The following SAMD12 variants were observed in gnomAD, a reference collection of about 807,000 sequenced individuals.
SAMD12 encodes the protein sterile alpha motif domain-containing protein 12.
In SAMD12, 9 loss-of-function variants were observed where a neutral mutation model predicts 15.0. That is an observed-to-expected ratio of 0.60 (90% CI 0.36 to 1.05). SAMD12 has a LOEUF of 1.05. Ranked by LOEUF, SAMD12 falls within the 50% of genes least tolerant of loss-of-function variation. The probability of loss-of-function intolerance (pLI) is 0.01; values close to 1 mark genes in which losing one functional copy is unlikely to be tolerated. For synonymous variants in SAMD12, 86 were observed against 90.1 expected (o/e 0.96, Z 0.25); for missense variants, 230 against 234.2 (o/e 0.98, Z 0.12).
At chr8:118,484,218 G>A (rs1824213738) in intron 2 of SAMD12, among the ~76,000 whole-genome samples, 2 of 152,040 alleles carry the variant, frequency 1.3e-5, no homozygotes, top group African/African-American at 4.8e-5. Context: ...TGCTGGCCAG[G>A]TGGAATTCGT....
chr8:118,279,930 C>G (rs1458711377), intron 4 of SAMD12, among the ~76,000 whole-genome samples: 2 of 152,180 alleles, frequency 1.3e-5, no homozygotes, highest in African/African-American at 2.4e-5. Flanking sequence ...CACAAAAACA[C>G]AGGACGCACA....
intron 2 of SAMD12, among the ~76,000 whole-genome samples, chr8:118,473,852 C>T (rs1823880404): frequency 6.6e-6 from 1 of 152,190 alleles, no homozygotes; most frequent in South Asian, 2.1e-4. Flanking sequence ...CCTCCATCCT[C>T]TTATAGTACT....
At chr8:118,242,984 C>A (rs1812607928) in intron 4 of SAMD12, among the ~76,000 whole-genome samples, 1 of 152,146 alleles carries the variant, frequency 6.6e-6, no homozygotes, top group Non-Finnish European at 1.5e-5. Flanking sequence ...AGGCCCTCAC[C>A]TGCTCTATGA....
chr8:118,311,044 C>A (rs991763017), intron 4 of SAMD12, among the ~76,000 whole-genome samples: 3 of 152,208 alleles, frequency 2.0e-5, no homozygotes, highest in African/African-American at 7.2e-5. Context: ...TTAATTCTCA[C>A]AACAGCTCTA....
rs1354018438 is a variant in SAMD12 at position 118,575,530 on chromosome 8, C to T, written c.192+5185G>A. On this transcript the variant is annotated intron_variant, in intron 2 of 3. Coordinates refer to ENST00000314727, the MANE Select transcript of SAMD12 (RefSeq NM_207506.3). ...TAGAGCCATTAGACATAGAGAGTTA[C>T]ATCTTCCTCCAGATTATTAGCCAGA... is the stretch of plus-strand genomic sequence containing the variant. 1.3e-5 allele frequency among the ~76,000 whole-genome samples: 2 copies of T among 152,174 alleles called. 1 individual carries two copies. Among genetic ancestry groups the T allele is most frequent in the Non-Finnish European group, 2.9e-5 (2 of 68,024 alleles).
At chr8:118,214,293 G>C (rs958701047) in intron 4 of SAMD12, among the ~76,000 whole-genome samples, 5 of 152,192 alleles carry the variant, frequency 3.3e-5, no homozygotes, top group African/African-American at 9.6e-5. Context: ...TAACTACAAT[G>C]TCACTTTAGA....
At chr8:118,445,617 ATTAAGTT>A (rs941758686) in intron 2 of SAMD12, among the ~76,000 whole-genome samples, 10 of 152,344 alleles carry the variant, frequency 6.6e-5, no homozygotes, top group South Asian at 4.1e-4. Flanking sequence ...ACTCTTAAAC[ATTAAGTT>A]TTAAGTTCTC....
At chr8:118,598,553 C>G (rs1827780478) in intron 1 of SAMD12, among the ~76,000 whole-genome samples, 1 of 152,214 alleles carries the variant, frequency 6.6e-6, no homozygotes, top group Non-Finnish European at 1.5e-5. Flanking sequence ...CTCTAGCAGA[C>G]TAACACAATA....
intron 4 of SAMD12, among the ~76,000 whole-genome samples, chr8:118,265,101 C>T (rs1346084085): frequency 6.6e-6 from 1 of 152,100 alleles, no homozygotes; most frequent in Non-Finnish European, 1.5e-5. Context: ...CCCAACTCTC[C>T]TTAGGACTTG....
chr8:118,143,280 G>T, the SAMD12 span, among the ~76,000 whole-genome samples: 2 of 152,078 alleles, frequency 1.3e-5, no homozygotes, highest in Non-Finnish European at 2.9e-5. Context: ...TATAGAATTA[G>T]TTATATAGGA....
intron 4 of SAMD12, among the ~76,000 whole-genome samples, chr8:118,318,321 T>TATATATATATATATATATATAC (rs1816033602): frequency 9.5e-5 from 1 of 10,578 alleles, no homozygotes; most frequent in Non-Finnish European, 2.9e-4. Context: ...TATATATATA[T>TATATATATATATATATATATAC]ATATATATAT....
chr8:118,358,726 GAA>G (rs1159466623), intron 4 of SAMD12, among the ~76,000 whole-genome samples: 1 of 152,110 alleles, frequency 6.6e-6, no homozygotes, highest in East Asian at 1.9e-4. Context: ...TAAATGACAG[GAA>G]GAGAGGCCAA....
chr8:118,537,835 T>A (rs1009536890), intron 2 of SAMD12, among the ~76,000 whole-genome samples: 1 of 152,206 alleles, frequency 6.6e-6, no homozygotes, highest in Non-Finnish European at 1.5e-5. Context: ...GTTGAGGTAA[T>A]GTTTTCCTGG....
chr8:118,552,419 A>G (rs914113580), intron 2 of SAMD12, among the ~76,000 whole-genome samples: 1 of 152,206 alleles, frequency 6.6e-6, no homozygotes, highest in Non-Finnish European at 1.5e-5. Flanking sequence ...AGAACCAAAG[A>G]CAAAAACCAC....
At chr8:118,544,547 C>A (rs1027306396) in intron 2 of SAMD12, among the ~76,000 whole-genome samples, 1 of 152,138 alleles carries the variant, frequency 6.6e-6, no homozygotes, top group Non-Finnish European at 1.5e-5. Context: ...AGAGTGTACA[C>A]GGTTGCTCCA....
At chr8:118,281,941 A>G (rs560613941) in intron 4 of SAMD12, among the ~76,000 whole-genome samples, 2 of 152,326 alleles carry the variant, frequency 1.3e-5, no homozygotes, top group South Asian at 4.1e-4. Context: ...CCACTATTAC[A>G]GACAGGGGCT....
intron 2 of SAMD12, among the ~76,000 whole-genome samples, chr8:118,455,483 T>C (rs567454434): frequency 6.6e-6 from 1 of 152,344 alleles, no homozygotes; most frequent in East Asian, 1.9e-4. Flanking sequence ...CTAAATGGTA[T>C]GCTTTGGGGT....
Position 118,471,851 on chromosome 8 carries a change from T to C in SAMD12, c.193-31890A>G, listed in dbSNP as rs147996902. Among the ~76,000 whole-genome samples, 8 of 152,186 alleles carry C rather than the reference T, an allele frequency of 5.3e-5. No homozygotes were observed. The South Asian group carries it at 8.3e-4, about 16-fold the overall frequency. On this transcript the variant is annotated intron_variant, in intron 2 of 3. Transcript: ENST00000314727. ...TGATACAGTCCACAAAGTAGGGTGGTAGATCTACCTAAAGAAAATCTACTG... is the reference window on the plus strand; with the variant it reads ...TGATACAGTCCACAAAGTAGGGTGGCAGATCTACCTAAAGAAAATCTACTG...
rs1052310126 is a variant in SAMD12 at position 118,478,308 on chromosome 8, C to G, written c.193-38347G>C. Among the ~76,000 whole-genome samples the G allele has an allele frequency of 2.6e-5, 4 of 152,258 alleles. No individual in the cohort carries two copies. The Middle Eastern group carries it at 0.01, about 388-fold the overall frequency. On this transcript the variant is annotated intron_variant, in intron 2 of 3. Coordinates refer to ENST00000314727, the MANE Select transcript of SAMD12 (RefSeq NM_207506.3). ...GGAAAGCTGCTGTTCACTTTTCAAT[C>G]AGGACTAGAGGAGAGACCTGAATTA...
Sources: allele counts gnomAD v4.1 joint callset (sites outside exome capture counted in the v4.1 genomes callset), GRCh38; gene constraint gnomAD v4.1.1; transcripts MANE v1.5; gene names NCBI Gene and HGNC (gene_info 2026-07-23, HGNC 2026-07-21).